Variants in WDR88 observed in about 807,000 individuals in gnomAD.
The protein encoded by WDR88 is WD repeat-containing protein 88.
In WDR88, 40 loss-of-function variants were observed where a neutral mutation model predicts 46.8. The ratio of observed to expected loss-of-function variants is 0.86; its 90% CI spans 0.66 to 1.11. The LOEUF is 1.11. Among genes scored for constraint, WDR88 ranks in the 50% most tolerant of loss-of-function variants. The probability of loss-of-function intolerance (pLI) is 0.00; values close to 1 mark genes in which losing one functional copy is unlikely to be tolerated. For synonymous variants in WDR88, 235 were observed against 240.7 expected (o/e 0.98, Z 0.22); for missense variants, 562 against 602.4 (o/e 0.93, Z 0.70).
chr19:33,171,142 G>A (rs1014455796), intron 9 of WDR88, among the ~76,000 whole-genome samples: 2 of 151,990 alleles, frequency 1.3e-5, no homozygotes, highest in African/African-American at 4.8e-5. Flanking sequence ...TGCAGCACCA[G>A]GCCTGGCTAA....
chr19:33,133,148 C>G (rs1973165510), intron 1 of WDR88, among the ~76,000 whole-genome samples: 1 of 137,676 alleles, frequency 7.3e-6, no homozygotes, highest in Non-Finnish European at 1.5e-5. Context: ...CAGAGCGAGA[C>G]TGTCTCCAGA....
At chr19:33,144,794 C>A in intron 2 of WDR88, 50 bp from the exon 3 acceptor site, 1 of 1,562,274 alleles carries the variant, frequency 6.4e-7, no homozygotes, top group Non-Finnish European at 8.8e-7. Context: ...ACGACTTCAG[C>A]AAACACGGCA....
At chr19:33,132,480 C>T (rs372088185) in intron 1 of WDR88, 35 bp downstream of exon 1, 6 of 1,604,702 alleles carry the variant, frequency 3.7e-6, no homozygotes, top group Non-Finnish European at 5.1e-6. Flanking sequence ...GGGCACTGGC[C>T]TGTTCCCCAC....
chr19:33,142,583 C>A (rs755505017), intron 2 of WDR88, among the ~76,000 whole-genome samples: 5 of 151,810 alleles, frequency 3.3e-5, no homozygotes, highest in Non-Finnish European at 7.4e-5. Flanking sequence ...GACCGAGGGC[C>A]TCTCCAAGAT....
chr19:33,156,843 C>A (rs145284440), intron 7 of WDR88, among the ~76,000 whole-genome samples: 35 of 152,280 alleles, frequency 2.3e-4, no homozygotes, highest in African/African-American at 5.5e-4. Context: ...TGTTGGGAAC[C>A]CAACCCTTCC....
chr19:33,172,508 T>C, intron 10 of WDR88, 68 bp downstream of exon 10: 1 of 1,373,592 alleles, frequency 7.3e-7, no homozygotes, highest in Non-Finnish European at 1.0e-6. Flanking sequence ...TAATTTATCA[T>C]TTGAATGAAC....
chr19:33,143,337 C>CAAAAA (rs59380405), intron 2 of WDR88, among the ~76,000 whole-genome samples: 1 of 49,348 alleles, frequency 2.0e-5, no homozygotes, highest in Non-Finnish European at 3.8e-5. Context: ...GATCCAGTGT[C>CAAAAA]AAAAAAAAAA....
intron 4 of WDR88, 55 bp downstream of exon 4, chr19:33,147,763 C>G (rs1599891194): frequency 6.4e-7 from 1 of 1,556,738 alleles, no homozygotes; most frequent in Admixed American, 1.8e-5. Flanking sequence ...CTTGACCAAG[C>G]CTCAGGCAGC....
chr19:33,162,668 G>A (rs1344013825), intron 8 of WDR88, among the ~76,000 whole-genome samples: 1 of 152,086 alleles, frequency 6.6e-6, no homozygotes, highest in East Asian at 1.9e-4. Flanking sequence ...ATGAAAACCT[G>A]AGACCAGCTG....
chr19:33,157,021 C>T (rs747848731), intron 7 of WDR88, among the ~76,000 whole-genome samples: 2 of 152,008 alleles, frequency 1.3e-5, no homozygotes, highest in Admixed American at 1.3e-4. Flanking sequence ...CACAGCAAGA[C>T]CCTGTCTCTA....
chr19:33,174,972 C>T (rs932731779), intron 10 of WDR88: 12 of 985,262 alleles, frequency 1.2e-5, no homozygotes, highest in Non-Finnish European at 1.3e-5. Flanking sequence ...CAGTGGCTCA[C>T]GCCTGTAATC....
chr19:33,148,175 A>T (rs1402109539), intron 4 of WDR88, among the ~76,000 whole-genome samples: 2 of 151,128 alleles, frequency 1.3e-5, no homozygotes, highest in East Asian at 3.9e-4. Context: ...GGAGGGGGTC[A>T]CTCTCCGTCC....
chr19:33,173,652 C>T (rs1356652016), intron 10 of WDR88, among the ~76,000 whole-genome samples: 2 of 152,248 alleles, frequency 1.3e-5, no homozygotes, highest in Non-Finnish European at 2.9e-5. Flanking sequence ...AGGGGTGGGA[C>T]TCACATGGAC....
rs1381903285 is a variant in WDR88, at chr19:33,137,747, A to G, written c.347A>G (p.Lys116Arg). 3.7e-6 allele frequency: 6 copies of G among 1,613,812 alleles called. No individual in the cohort carries two copies. The highest frequency in any genetic ancestry group is 5.1e-6 in the Non-Finnish European group (6 of 1,180,002). ...STCHFCVDDT[K>R]LLSGSYDCTV... ...TGCCACTTCTGTGTGGATGACACAA[A>G]GCTCCTCAGTGGCTCCTATGACTGC... Residue 116 changes from lysine to arginine, a missense_variant, in exon 2 of 11, where the codon AAG becomes AGG. By Grantham distance (26) the Lys-to-Arg change is conservative. Transcript: ENST00000355868.
chr19:33,172,304 T>G, intron 9 of WDR88, 44 bp from the exon 10 acceptor site: 4 of 1,497,604 alleles, frequency 2.7e-6, no homozygotes, highest in Non-Finnish European at 3.7e-6. Context: ...TGTATGGATG[T>G]ACCACAGCCT....
At chr19:33,163,961 G>C (rs1362743637) in intron 8 of WDR88, among the ~76,000 whole-genome samples, 1 of 151,368 alleles carries the variant, frequency 6.6e-6, no homozygotes, top group Non-Finnish European at 1.5e-5. Context: ...AGCAACACTG[G>C]GTTCTTGACT....
At chr19:33,160,800 TGAA>T (rs1568368933) in intron 8 of WDR88, among the ~76,000 whole-genome samples, 3 of 152,186 alleles carry the variant, frequency 2.0e-5, no homozygotes, top group South Asian at 4.2e-4. Context: ...GTGGGGATCT[TGAA>T]GAAGAAGGGC....
chr19:33,138,040 T>C (rs1453980614), intron 2 of WDR88, among the ~76,000 whole-genome samples: 1 of 146,546 alleles, frequency 6.8e-6, no homozygotes, highest in Non-Finnish European at 1.5e-5. Flanking sequence ...TGCCACACAT[T>C]TTTTTTTTTT....
At chr19:33,165,708 C>A (rs925167173) in intron 9 of WDR88, among the ~76,000 whole-genome samples, 1 of 151,504 alleles carries the variant, frequency 6.6e-6, no homozygotes, top group African/African-American at 2.4e-5. Flanking sequence ...GCCTGGCCAA[C>A]GTGGTGAAGC....
Sources: allele counts gnomAD v4.1 joint callset (sites outside exome capture counted in the v4.1 genomes callset), GRCh38; gene constraint gnomAD v4.1.1; transcripts MANE v1.5; gene names NCBI Gene and HGNC (gene_info 2026-07-23, HGNC 2026-07-21).